MOB1A: variants seen among roughly 807,000 people sequenced by gnomAD.
MOB1A encodes the protein MOB kinase activator 1A, also known as MOB1 Mps One Binder homolog A.
MOB1A carries 10 observed loss-of-function variants against 25.1 expected under a neutral mutation model. The ratio of observed to expected loss-of-function variants is 0.40; its 90% confidence interval spans 0.25 to 0.68. MOB1A has a LOEUF of 0.68. MOB1A is among the 30% of genes least tolerant of loss of function. The pLI, the probability that MOB1A is intolerant of heterozygous loss-of-function variation, is 0.40. For missense variants in MOB1A, 177 were observed against 256.3 expected (o/e 0.69, Z 2.11); for synonymous variants, 81 against 79.5 (o/e 1.02, Z -0.10).
chr2:74,173,821 C>T (rs1693371324), intron 1 of MOB1A, among the ~76,000 whole-genome samples: 1 of 150,650 alleles, frequency 6.6e-6, no homozygotes, highest in East Asian at 2.0e-4. Flanking sequence ...TGGTGGAGGG[C>T]GCCTGTAGTC....
intron 4 of MOB1A, chr2:74,164,992 A>G (rs746576676): frequency 3.8e-6 from 1 of 260,974 alleles, no homozygotes; most frequent in South Asian, 1.2e-4. Flanking sequence ...CTCTACAAGT[A>G]TAACAATGTT....
In MOB1A at chr2:74,156,120, A is replaced by G. The variant is rs886490582; in HGVS notation, c.*448T>C. 19 of 153,676 alleles carry G rather than the reference A, an allele frequency of 1.2e-4. No individual in the cohort carries two copies. Among genetic ancestry groups the G allele is most frequent in the Non-Finnish European group, 2.2e-4 (15 of 68,794 alleles). The allele number at this position is 153,676 out of a possible 1,614,324, so 9.5% of individuals were successfully genotyped here. A position where few individuals can be genotyped will look rare whatever the true frequency, so the allele number is the denominator to read the frequency against. On this transcript the variant is annotated 3_prime_UTR_variant, in exon 6 of 6. Transcript: ENST00000396049. ...ACATTTTTTATTCGTAAAATAAAAG[A>G]ATAAAACCAATCTGATTGTGTTATT...
intron 4 of MOB1A, 131 bp from the exon 5 acceptor site, chr2:74,159,385 G>A (rs2103693634): frequency 1.3e-6 from 1 of 746,610 alleles, no homozygotes; most frequent in East Asian, 2.7e-5. Flanking sequence ...TCGACCTCCT[G>A]GGCTCAACTG....
At position 74,165,267 on chromosome 2, in the gene MOB1A, A is replaced by C; in HGVS notation, c.360T>G (p.Thr120=). Residue 120 remains threonine, a synonymous_variant, in exon 4 of 6, where the codon ACT becomes ACG. Transcript: ENST00000396049. ...SAPKYIDYLM[T]WVQDQLDDET... is the part of the protein sequence containing the mutation. ...CATCATCAAGCTGATCTTGAACCCA[A>C]GTCATCAAATAGTCAATGTATTTTG... 6.3e-7 allele frequency: 1 copy of C among 1,575,082 alleles called. No homozygotes were observed. Among genetic ancestry groups the C allele is most frequent in the Non-Finnish European group, 8.6e-7 (1 of 1,158,498 alleles).
Position 74,178,700 on chromosome 2 carries a change from G to A in MOB1A, c.-26C>T. On this transcript the variant is annotated 5_prime_UTR_variant, in exon 1 of 6. Coordinates refer to ENST00000396049, the MANE Select transcript of MOB1A (RefSeq NM_018221.5). ...CTTCGGTCCTCAGAGGGGAGGCGAG[G>A]GGCCCCTGGCCCCCGCCTGGATCAG... The A allele has an allele frequency of 2.3e-6, 3 of 1,301,512 alleles. No homozygotes were observed. The highest frequency in any genetic ancestry group is 2.3e-5 in the South Asian group (1 of 43,304). 80.6% of individuals were successfully genotyped at this position (1,301,512 alleles called of 1,614,324 possible). A position where few individuals can be genotyped will look rare whatever the true frequency, so the allele number is the denominator to read the frequency against.
chr2:74,172,253 A>C (rs1693314093), intron 2 of MOB1A, among the ~76,000 whole-genome samples: 2 of 152,212 alleles, frequency 1.3e-5, no homozygotes, highest in Admixed American at 1.3e-4. Context: ...GTAAAACTGT[A>C]GATGGATTTG....
At position 74,155,588 on chromosome 2, in the gene MOB1A, C is replaced by T. The variant is rs1692782757; in HGVS notation, c.*980G>A. The T allele has an allele frequency of 6.6e-6, 1 of 152,148 alleles. No individual in the cohort carries two copies. Among genetic ancestry groups the T allele is most frequent in the African/African-American group, 2.4e-5 (1 of 41,308 alleles). The allele number at this position is 152,148 out of a possible 1,614,324, so 9.4% of individuals were successfully genotyped here. On this transcript the variant is annotated 3_prime_UTR_variant, in exon 6 of 6. Coordinates refer to ENST00000396049, the MANE Select transcript of MOB1A (RefSeq NM_018221.5). ...TTCTACACTACTCTTAACTAAGGCT[C>T]AAGAGACAATAAAAACATAGAAGTA...
At chr2:74,164,848 A>G (rs892798080) in intron 4 of MOB1A, 1 of 153,326 alleles carries the variant, frequency 6.5e-6, no homozygotes, top group African/African-American at 2.4e-5. Context: ...GCATATTAAA[A>G]CAGAAATTTA....
At chr2:74,167,761 AC>A (rs1200928605) in intron 2 of MOB1A, among the ~76,000 whole-genome samples, 1 of 152,176 alleles carries the variant, frequency 6.6e-6, no homozygotes, top group African/African-American at 2.4e-5. Context: ...TCTACAGCAT[AC>A]TGAGGACAAA....
In MOB1A at chr2:74,159,821, C is replaced by T. The variant is rs116508551; in HGVS notation, c.410-567G>A. 3.4e-3 allele frequency among the ~76,000 whole-genome samples: 211 copies of T among 62,574 alleles called. 2 individuals carry two copies. The highest frequency in any genetic ancestry group is 0.013 in the African/African-American group (200 of 15,186). The allele number at this position is 62,574 out of a possible 152,430, so 41.1% of individuals were successfully genotyped here. Reference sequence around the variant, plus strand: ...AGTTTTAGTTTTTTGTTTTTTGTCCCCCCCCCCACCCCGGAGACTGAGCCT... The same window carrying T: ...AGTTTTAGTTTTTTGTTTTTTGTCCTCCCCCCCACCCCGGAGACTGAGCCT... On this transcript the variant is annotated intron_variant, in intron 4 of 5. Transcript: ENST00000396049.
intron 1 of MOB1A, among the ~76,000 whole-genome samples, chr2:74,173,628 C>T (rs1276790517): frequency 6.6e-6 from 1 of 151,282 alleles, no homozygotes; most frequent in Admixed American, 6.6e-5. Flanking sequence ...GTGATACACC[C>T]GCCTCAGCCT....
intron 1 of MOB1A, among the ~76,000 whole-genome samples, chr2:74,174,025 T>C (rs904564921): frequency 2.0e-5 from 3 of 150,182 alleles, no homozygotes; most frequent in Non-Finnish European, 4.4e-5. Context: ...TCCCAGCACT[T>C]TGGGAGGCCG....
At chr2:74,176,500 C>CA (rs1478020572) in intron 1 of MOB1A, among the ~76,000 whole-genome samples, 1 of 151,888 alleles carries the variant, frequency 6.6e-6, no homozygotes, top group South Asian at 2.1e-4. Context: ...CGCAGTGGCT[C>CA]ACGCGTGTAA....
intron 5 of MOB1A, among the ~76,000 whole-genome samples, chr2:74,157,498 C>T (rs1476190810): frequency 6.6e-6 from 1 of 152,084 alleles, no homozygotes; most frequent in Non-Finnish European, 1.5e-5. Context: ...TTGTGGGAAC[C>T]CTGGTTTATA....
chr2:74,172,281 A>T (rs1267644682), intron 2 of MOB1A, among the ~76,000 whole-genome samples: 1 of 152,206 alleles, frequency 6.6e-6, no homozygotes, highest in Non-Finnish European at 1.5e-5. Flanking sequence ...GTCACAGACC[A>T]CAACAGGCAT....
rs1196959533 is a variant in MOB1A at position 74,178,848 on chromosome 2, T to C, written c.-174A>G. 7.5e-6 allele frequency: 3 copies of C among 397,996 alleles called. No homozygotes were observed. Among genetic ancestry groups the C allele is most frequent in the Admixed American group, 4.5e-5 (1 of 22,186 alleles). 24.7% of individuals were successfully genotyped at this position (397,996 alleles called of 1,614,324 possible). On this transcript the variant is annotated 5_prime_UTR_variant, in exon 1 of 6. Transcript: ENST00000396049. ...CCTTTGCAAACCTCGGCGCCCGCCT[T>C]GCCCGCCTACCCCACCTCGCAGACC...
intron 1 of MOB1A, 35 bp downstream of exon 1, chr2:74,178,626 C>T (rs759093262): frequency 7.2e-7 from 1 of 1,381,338 alleles, no homozygotes; most frequent in South Asian, 1.7e-5. Flanking sequence ...AACCTCGGCC[C>T]GCAGGCCCGG....
At chr2:74,169,778 G>A (rs1572962843) in intron 2 of MOB1A, among the ~76,000 whole-genome samples, 1 of 151,856 alleles carries the variant, frequency 6.6e-6, no homozygotes, top group African/African-American at 2.4e-5. Context: ...ACAGGTGTGT[G>A]CCACCACACC....
In MOB1A at chr2:74,178,665, G is replaced by T; in HGVS notation, c.10C>A (p.Leu4Ile). 1 of 1,368,858 alleles carries T rather than the reference G, an allele frequency of 7.3e-7. No homozygotes were observed. The highest frequency in any genetic ancestry group is 9.5e-7 in the Non-Finnish European group (1 of 1,056,392). The allele number at this position is 1,368,858 out of a possible 1,614,324, so 84.8% of individuals were successfully genotyped here. A position where few individuals can be genotyped will look rare whatever the true frequency, so the allele number is the denominator to read the frequency against. The change falls in exon 1 of 6, where the codon CTC becomes ATC. Residue 4 changes from leucine (L) to isoleucine (I), a missense_variant. Leu to Ile is a conservative substitution (Grantham distance 5). Transcript: ENST00000396049. ...CCGCGGCCCGACCCCACTCACAAGA[G>T]GAAGCTCATCTTCGGTCCTCAGAGG... MSF[L>I]FSSRSSKTFK...
Sources: gnomAD v4.1 joint callset for allele counts (sites outside exome capture counted in the v4.1 genomes callset) on GRCh38, gnomAD v4.1.1 for gene constraint, MANE v1.5 for transcripts, NCBI Gene and HGNC (gene_info 2026-07-23, HGNC 2026-07-21) for gene names.